Variants in ANO1 observed in about 807,000 individuals in gnomAD.
The protein encoded by ANO1 is anoctamin-1.
ANO1 carries 59 observed loss-of-function variants against 124.0 expected under a neutral mutation model. That is an observed-to-expected ratio of 0.48 (90% confidence interval 0.39 to 0.59). The LOEUF is 0.59. ANO1 is among the 20% of genes least tolerant of loss of function. The pLI is 0.00. For synonymous variants in ANO1, 529 were observed against 532.0 expected (o/e 0.99, Z 0.08); for missense variants, 1,059 against 1,328.0 (o/e 0.80, Z 3.15).
chr11:70,089,229 G>C (rs191598220), intron 2 of ANO1, among the ~76,000 whole-genome samples: 1 of 152,194 alleles, frequency 6.6e-6, no homozygotes, highest in Admixed American at 6.5e-5. Context: ...AAAAGTTGTC[G>C]GCAGGTTAAC....
intron 1 of ANO1, among the ~76,000 whole-genome samples, chr11:70,000,321 C>CG (rs11313364): frequency 0.05 from 7,603 of 150,604 alleles, 206 homozygotes; most frequent in Middle Eastern, 0.11. Context: ...AGAGATGGGC[C>CG]GGGGGGGGAT....
At chr11:70,027,807 A>T (rs1194581317) in intron 1 of ANO1, among the ~76,000 whole-genome samples, 1 of 152,170 alleles carries the variant, frequency 6.6e-6, no homozygotes, top group African/African-American at 2.4e-5. Flanking sequence ...CTAGTGGGGA[A>T]AGGTGAGGTG....
chr11:70,152,422 T>C, intron 12 of ANO1, 28 bp from the exon 13 acceptor site: 3 of 1,610,104 alleles, frequency 1.9e-6, no homozygotes, highest in Non-Finnish European at 2.5e-6. Flanking sequence ...CTTTGTGTTT[T>C]TGTTTTTACT....
At chr11:70,095,324 A>AG (rs2044846765) in intron 2 of ANO1, among the ~76,000 whole-genome samples, 1 of 109,158 alleles carries the variant, frequency 9.2e-6, no homozygotes, top group African/African-American at 3.3e-5. Context: ...AAGAAAGGAA[A>AG]GAAAGAAAGG....
chr11:70,009,537 G>A (rs1268288179), intron 1 of ANO1, among the ~76,000 whole-genome samples: 5 of 152,178 alleles, frequency 3.3e-5, no homozygotes, highest in Admixed American at 2.0e-4. Context: ...ATTTTGAGAA[G>A]CTTTTTGAAA....
intron 7 of ANO1, among the ~76,000 whole-genome samples, chr11:70,114,227 C>T (rs531547580): frequency 3.9e-5 from 6 of 152,332 alleles, no homozygotes; most frequent in South Asian, 4.1e-4. Flanking sequence ...TGCCCAGGGG[C>T]GCACAGCCCA....
At chr11:69,972,808 A>G in the ANO1 span, among the ~76,000 whole-genome samples, 7 of 151,938 alleles carry the variant, frequency 4.6e-5, no homozygotes, top group Non-Finnish European at 1.0e-4. Context: ...CTGCAGATCT[A>G]CCTGCCGGCC....
rs1481451821 is a variant in ANO1, at chr11:70,142,323, A to G, written c.1259-7387A>G. 5.3e-5 allele frequency among the ~76,000 whole-genome samples: 8 copies of G among 152,126 alleles called. No individual in the cohort carries two copies. The South Asian group carries it at 1.0e-3, about 20-fold the overall frequency. ...CCAGGGGCTGGGCCTGAGATTTTAC[A>G]TGGAGTTGACAAGTCACCCAGCTGA... On this transcript the variant is annotated intron_variant, in intron 11 of 25. Coordinates refer to ENST00000355303, the MANE Select transcript of ANO1 (RefSeq NM_018043.7).
the ANO1 span, among the ~76,000 whole-genome samples, chr11:69,967,028 T>C: frequency 6.6e-6 from 1 of 152,182 alleles, no homozygotes; most frequent in Non-Finnish European, 1.5e-5. Context: ...ATCCCTGGCC[T>C]CCACGCAGTA....
chr11:70,149,463 C>T (rs145746058), intron 11 of ANO1: 4,679 of 446,126 alleles, frequency 0.01, 91 homozygotes, highest in African/African-American at 0.053. Flanking sequence ...CCAGCCTGGC[C>T]AACATGGTGA....
At chr11:70,079,017 C>T (rs2044122015) in intron 1 of ANO1, among the ~76,000 whole-genome samples, 1 of 152,124 alleles carries the variant, frequency 6.6e-6, no homozygotes, top group Non-Finnish European at 1.5e-5. Flanking sequence ...CCGCCTCACC[C>T]GGGGCTGCAG....
chr11:70,167,267 C>G lies in ANO1; in HGVS notation c.2077C>G (p.Leu693Val). The G allele has an allele frequency of 6.2e-7, 1 of 1,614,018 alleles. No homozygotes were observed. The highest frequency in any genetic ancestry group is 8.5e-7 in the Non-Finnish European group (1 of 1,179,878). ...IPKMKKLIRY[L>V]KLKQQSPPDH... ...GAAGATGAAGAAGCTCATCCGCTAC[C>G]TGAAGCTGAAGCAGCAGAGCCCCCC... Residue 693 changes from leucine to valine, a missense_variant, in exon 21 of 26, where the codon CTG (leucine) becomes GTG (valine). This residue lies in a region of ANO1 where 809 missense variants were observed against 1,094.9 expected (regional missense o/e 0.74). Transcript: ENST00000355303.
intron 6 of ANO1, among the ~76,000 whole-genome samples, chr11:70,110,824 T>C (rs903879085): frequency 2.0e-5 from 3 of 152,238 alleles, no homozygotes. Flanking sequence ...GAGCAAGATC[T>C]GATTTCCAGG....
chr11:70,165,697 A>C, intron 20 of ANO1, 127 bp downstream of exon 20: 1 of 766,344 alleles, frequency 1.3e-6, no homozygotes, highest in Non-Finnish European at 2.1e-6. Flanking sequence ...AAGCAGGGAG[A>C]GAAGGAGGAC....
chr11:70,112,710 G>A (rs565026223), intron 7 of ANO1, among the ~76,000 whole-genome samples: 27 of 151,944 alleles, frequency 1.8e-4, no homozygotes, highest in African/African-American at 2.7e-4. Flanking sequence ...GGCGTGCACC[G>A]CTACACCCAG....
upstream of ANO1, among the ~76,000 whole-genome samples, chr11:70,078,125 G>T (rs967947488): frequency 6.6e-6 from 1 of 152,112 alleles, no homozygotes; most frequent in African/African-American, 2.4e-5. Context: ...TTTCACACCC[G>T]GTATGAAAAC....
At chr11:70,135,896 T>G (rs2046939024) in intron 11 of ANO1, among the ~76,000 whole-genome samples, 1 of 152,212 alleles carries the variant, frequency 6.6e-6, no homozygotes, top group Non-Finnish European at 1.5e-5. Context: ...GGCATTCTGG[T>G]CACTGCAAAT....
intron 1 of ANO1, among the ~76,000 whole-genome samples, chr11:70,000,038 A>G (rs1454919966): frequency 2.0e-5 from 3 of 152,212 alleles, no homozygotes; most frequent in African/African-American, 2.4e-5. Flanking sequence ...CTGCCAAGAT[A>G]AAGTCTCAGG....
chr11:70,144,824 C>T (rs2047294571), intron 11 of ANO1, among the ~76,000 whole-genome samples: 1 of 152,216 alleles, frequency 6.6e-6, no homozygotes, highest in Admixed American at 6.5e-5. Context: ...ATCAGAAGGC[C>T]TGGGTCCAGG....
Sources: allele counts gnomAD v4.1 joint callset (sites outside exome capture counted in the v4.1 genomes callset), GRCh38; gene constraint gnomAD v4.1.1; regional missense constraint gnomAD v4.1.1; transcripts MANE v1.5; gene names NCBI Gene and HGNC (gene_info 2026-07-23, HGNC 2026-07-21).